Variants in PIGX observed in about 807,000 individuals in gnomAD.
PIGX encodes the protein phosphatidylinositol glycan anchor biosynthesis class X.
Under a neutral mutation model 28.7 loss-of-function variants are expected in PIGX, and 24 were observed. The ratio of observed to expected loss-of-function variants is 0.84; its 90% CI spans 0.60 to 1.17. The LOEUF (loss-of-function observed/expected upper bound fraction) is 1.17. PIGX is among the 50% of genes most tolerant of loss of function. The probability of loss-of-function intolerance (pLI) is 0.00; values close to 1 mark genes in which losing one functional copy is unlikely to be tolerated. For missense variants in PIGX, 305 were observed against 317.8 expected, an observed-to-expected ratio of 0.96 and a Z score of 0.31; for synonymous variants, 127 against 121.0, an observed-to-expected ratio of 1.05 and a Z score of -0.33.
intron 3 of PIGX, among the ~76,000 whole-genome samples, chr3:196,725,500 G>C (rs1712485713): frequency 6.6e-6 from 1 of 152,172 alleles, no homozygotes; most frequent in Non-Finnish European, 1.5e-5. Context: ...TGGACTTTTT[G>C]AGTTGAGGAG....
In PIGX at chr3:196,712,583, G is replaced by T. The variant is rs745911599; in HGVS notation, c.51G>T (p.Gly17=). The T allele has an allele frequency of 7.5e-5, 89 of 1,190,456 alleles. No homozygotes were observed. The highest frequency in any genetic ancestry group is 9.0e-5 in the Non-Finnish European group (87 of 961,424). The allele number at this position is 1,190,456 out of a possible 1,614,324, so 73.7% of individuals were successfully genotyped here. A position where few individuals can be genotyped will look rare whatever the true frequency, so the allele number is the denominator to read the frequency against. Residue 17 remains glycine, a synonymous_variant, in exon 1 of 6, where the codon GGG becomes GGT. Coordinates refer to ENST00000392391, the MANE Select transcript of PIGX (RefSeq NM_017861.4). Reference sequence around the variant, plus strand: ...GGGCGGCCGCCTGGCTGCTCCTCGGGGCGGCGACCGGGCTCACGCGCGGGC... The same window carrying T: ...GGGCGGCCGCCTGGCTGCTCCTCGGTGCGGCGACCGGGCTCACGCGCGGGC...
chr3:196,727,843 TA>T, intron 3 of PIGX, 79 bp from the exon 4 acceptor site: 1 of 960,374 alleles, frequency 1.0e-6, no homozygotes, highest in Non-Finnish European at 1.6e-6. Context: ...TGTATCTGTA[TA>T]TAGTCTTCTG....
chr3:196,725,096 A>G (rs1167146335), intron 3 of PIGX, among the ~76,000 whole-genome samples: 1 of 152,198 alleles, frequency 6.6e-6, no homozygotes, highest in Non-Finnish European at 1.5e-5. Context: ...TCACTTTTTT[A>G]GGTAGGGTTA....
rs768356002 is a variant in PIGX, at chr3:196,716,937, A to G, written c.176+16A>G. 2.2e-6 allele frequency: 3 copies of G among 1,391,652 alleles called. No homozygotes were observed. Among genetic ancestry groups the G allele is most frequent in the Admixed American group, 3.5e-5 (2 of 57,904 alleles). 86.2% of individuals were successfully genotyped at this position (1,391,652 alleles called of 1,614,324 possible). A position where few individuals can be genotyped will look rare whatever the true frequency, so the allele number is the denominator to read the frequency against. ...GTTTCCACAGGTAAGTTGCCTGTTG[A>G]TTTCTATTTCTATTAAAATAATGTG... On this transcript the variant is annotated intron_variant, in intron 2 of 5. Coordinates refer to ENST00000392391, the MANE Select transcript of PIGX (RefSeq NM_017861.4).
chr3:196,712,655 C>G lies in PIGX; in HGVS notation c.112+11C>G. On this transcript the variant is annotated intron_variant, in intron 1 of 5. Coordinates refer to ENST00000392391, the MANE Select transcript of PIGX (RefSeq NM_017861.4). ...CGCGCTCTGACGCCGGTAAGGGGGG[C>G]GGGGCTTGGGGGGCCAGAGCGTGGG... is the stretch of plus-strand genomic sequence containing the variant. The G allele has an allele frequency of 8.4e-7, 1 of 1,185,472 alleles. No homozygotes were observed. The highest frequency in any genetic ancestry group is 1.0e-6 in the Non-Finnish European group (1 of 957,956). 73.4% of individuals were successfully genotyped at this position (1,185,472 alleles called of 1,614,324 possible).
Position 196,712,544 on chromosome 3 carries a change from G to T in PIGX, c.12G>T (p.Arg4=). 8.5e-7 allele frequency: 1 copy of T among 1,174,606 alleles called. No individual in the cohort carries two copies. Among genetic ancestry groups the T allele is most frequent in the South Asian group, 4.2e-5 (1 of 23,870 alleles). The allele number at this position is 1,174,606 out of a possible 1,614,324, so 72.8% of individuals were successfully genotyped here. A position where few individuals can be genotyped will look rare whatever the true frequency, so the allele number is the denominator to read the frequency against. The stretch of plus-strand genomic sequence containing the variant: ...CGGCTTCCGGCGTCCTGGCGGCTCG[G>T]GTGGCGGCGGTTCGGGCGGCCGCCT... The change falls in exon 1 of 6, where the codon CGG becomes CGT. Residue 4 remains arginine, a synonymous_variant. Transcript: ENST00000392391.
rs1712937915 is a variant in PIGX at position 196,734,638 on chromosome 3, CTA to C, written c.*738_*739del. ...TTATTTAAATAGTAATGTCATGAGA[CTA>C]TTAAAGATGTGCCAGAGTTTCAATG... On this transcript the variant is annotated 3_prime_UTR_variant, in exon 6 of 6. Transcript: ENST00000392391. 1 of 152,006 alleles carries C rather than the reference CTA, an allele frequency of 6.6e-6. No homozygotes were observed. Among genetic ancestry groups the C allele is most frequent in the Non-Finnish European group, 1.5e-5 (1 of 67,994 alleles). The allele number at this position is 152,006 out of a possible 1,614,324, so 9.4% of individuals were successfully genotyped here.
At chr3:196,728,784 C>G (rs772758079) in intron 4 of PIGX, 66 of 766,160 alleles carry the variant, frequency 8.6e-5, no homozygotes, top group Non-Finnish European at 4.1e-5. Flanking sequence ...TCTCAGTAGC[C>G]ATTTAATATT....
At chr3:196,725,407 G>A (rs1712482845) in intron 3 of PIGX, among the ~76,000 whole-genome samples, 1 of 152,168 alleles carries the variant, frequency 6.6e-6, no homozygotes, top group African/African-American at 2.4e-5. Flanking sequence ...AGTAAGTAAG[G>A]TGAGCCCTAC....
chr3:196,714,873 C>T (rs910994636), intron 1 of PIGX, among the ~76,000 whole-genome samples: 2 of 152,090 alleles, frequency 1.3e-5, no homozygotes, highest in Admixed American at 6.5e-5. Flanking sequence ...GTCAGGAGAT[C>T]GAGACCAGCC....
intron 4 of PIGX, chr3:196,728,587 T>A: frequency 1.4e-6 from 1 of 720,684 alleles, no homozygotes; most frequent in Non-Finnish European, 2.5e-6. Context: ...TTTCCTTTCT[T>A]CAACACTGAT....
At position 196,718,224 on chromosome 3, in the gene PIGX, C is replaced by T. The variant is rs982134459; in HGVS notation, c.176+1303C>T. On this transcript the variant is annotated intron_variant, in intron 2 of 5. Coordinates refer to ENST00000392391, the MANE Select transcript of PIGX (RefSeq NM_017861.4). Reference sequence around the variant, plus strand: ...ACTCAGGAAGCTGAGGCAGTAGAATCGCTTGAACCCGGGAGGCAGAGGTTG... The same window carrying T: ...ACTCAGGAAGCTGAGGCAGTAGAATTGCTTGAACCCGGGAGGCAGAGGTTG... 3.3e-5 allele frequency among the ~76,000 whole-genome samples: 5 copies of T among 151,826 alleles called. No individual in the cohort carries two copies. The South Asian group carries it at 6.2e-4, about 19-fold the overall frequency.
At chr3:196,713,230 C>A in intron 1 of PIGX, 2 of 300,740 alleles carry the variant, frequency 6.7e-6, no homozygotes, top group Non-Finnish European at 9.8e-6. Context: ...TAGTATCTGT[C>A]AATCAGTGCA....
At chr3:196,730,778 A>C (rs1386405295) in intron 4 of PIGX, among the ~76,000 whole-genome samples, 1 of 150,304 alleles carries the variant, frequency 6.7e-6, no homozygotes, top group East Asian at 1.9e-4. Context: ...AAAAGAAGTC[A>C]TGTTCAACTT....
At position 196,731,027 on chromosome 3, in the gene PIGX, G is replaced by T; in HGVS notation, c.568G>T (p.Val190Leu). ...TTTGAAATGCTGGGCTCACTCAGAA[G>T]TGGCAGCCCCTTGTGCTTTGGAGAA... The change falls in exon 5 of 6, where the codon GTG becomes TTG. Residue 190 changes from valine (V) to leucine (L), a missense_variant. Coordinates refer to ENST00000392391, the MANE Select transcript of PIGX (RefSeq NM_017861.4). The T allele has an allele frequency of 1.9e-6, 3 of 1,612,086 alleles. No individual in the cohort carries two copies. Among genetic ancestry groups the T allele is most frequent in the Non-Finnish European group, 2.5e-6 (3 of 1,178,330 alleles).
At chr3:196,721,860 C>G (rs969498807) in intron 2 of PIGX, among the ~76,000 whole-genome samples, 1 of 152,120 alleles carries the variant, frequency 6.6e-6, no homozygotes, top group African/African-American at 2.4e-5. Flanking sequence ...TCAAAAGATT[C>G]TCCTGCCTCA....
intron 5 of PIGX, among the ~76,000 whole-genome samples, chr3:196,732,241 TATATATATA>T (rs1275472822): frequency 4.0e-4 from 26 of 64,812 alleles, no homozygotes; most frequent in African/African-American, 1.1e-3. Flanking sequence ...TATATATATA[TATATATATA>T]TATATATTTT....
At chr3:196,729,311 T>C (rs1712649763) in intron 4 of PIGX, among the ~76,000 whole-genome samples, 2 of 150,454 alleles carry the variant, frequency 1.3e-5, no homozygotes, top group Non-Finnish European at 2.9e-5. Context: ...CTAGCCTGGG[T>C]GACAGAGCGA....
rs551180704 is a variant in PIGX at position 196,728,809 on chromosome 3, A to G, written c.532+673A>G. On this transcript the variant is annotated intron_variant, in intron 4 of 5. Transcript: ENST00000392391. ...CATTTAATATTAGTAGGCATGTACT[A>G]TGTGTTTCTTTTTGCAGCCATTGGT... 3.7e-5 allele frequency: 28 copies of G among 764,084 alleles called. No homozygotes were observed. The Middle Eastern group carries it at 9.0e-4, about 25-fold the overall frequency. The allele number at this position is 764,084 out of a possible 1,614,324, so 47.3% of individuals were successfully genotyped here.
Sources: gnomAD v4.1 joint callset for allele counts (sites outside exome capture counted in the v4.1 genomes callset) on GRCh38, gnomAD v4.1.1 for gene constraint, MANE v1.5 for transcripts, NCBI Gene and HGNC (gene_info 2026-07-23, HGNC 2026-07-21) for gene names.